IBTK: variants seen among roughly 807,000 people sequenced by gnomAD.
IBTK encodes the protein BTK-binding protein.
Under a neutral mutation model 154.9 loss-of-function variants are expected in IBTK, and 83 were observed. That is an observed-to-expected ratio of 0.54 (90% confidence interval 0.45 to 0.64). The LOEUF (loss-of-function observed/expected upper bound fraction) is 0.64. Among genes scored for constraint, IBTK ranks in the 30% least tolerant of loss-of-function variants. The pLI, the probability that IBTK is intolerant of heterozygous loss-of-function variation, is 0.00. For synonymous variants in IBTK, 515 were observed against 536.1 expected, an observed-to-expected ratio of 0.96 and a Z score of 0.54; for missense variants, 1,332 against 1,584.6, an observed-to-expected ratio of 0.84 and a Z score of 2.71.
Position 82,216,140 on chromosome 6 carries a change from C to T in IBTK, c.1537G>A (p.Val513Ile), listed in dbSNP as rs751463765. The T allele has an allele frequency of 6.2e-7, 1 of 1,613,698 alleles. No homozygotes were observed. The highest frequency in any genetic ancestry group is 8.5e-7 in the Non-Finnish European group (1 of 1,179,838). ...CCACTTGGATCTGTGCTGACACTAA[C>T]AGCTCTATGTGCAAAGGTAAGTTTC... ...LEKLTFAHRA[V>I]SVSTDPSGCN... is the part of the protein sequence containing the mutation. The change falls in exon 11 of 29, where the codon GTT becomes ATT. Residue 513 changes from valine to isoleucine, a missense_variant. Transcript: ENST00000306270.
Position 82,214,446 on chromosome 6 carries a change from C to T in IBTK, c.1985G>A (p.Gly662Glu). Residue 662 changes from glycine to glutamate, a missense_variant, in exon 12 of 29, where the codon GGA becomes GAA. This residue lies in a region of IBTK where 1,134 missense variants were observed against 1,274.7 expected (regional missense o/e 0.89). Transcript: ENST00000306270. ...TTTATTCAAATGAGAATTCAGAGTT[C>T]CCTGATATTCTTCTGGGTTTTTGTT... Reference protein sequence around the residue: ...HLNKNPEEYQGTLNSHLNKVN... With the variant: ...HLNKNPEEYQETLNSHLNKVN... 2 of 1,613,928 alleles carry T rather than the reference C, an allele frequency of 1.2e-6. No homozygotes were observed. Among genetic ancestry groups the T allele is most frequent in the Non-Finnish European group, 1.7e-6 (2 of 1,179,902 alleles).
At chr6:82,237,550 TAGCAGCAGC>T (rs35272040) in intron 2 of IBTK, among the ~76,000 whole-genome samples, 8 of 149,382 alleles carry the variant, frequency 5.4e-5, no homozygotes, top group African/African-American at 1.5e-4. Context: ...GTAGTAGTAG[TAGCAGCAGC>T]AGCAGCAGCA....
chr6:82,237,449 G>GA (rs1770758185), intron 2 of IBTK, among the ~76,000 whole-genome samples: 16 of 150,492 alleles, frequency 1.1e-4, no homozygotes, highest in Admixed American at 2.6e-4. Context: ...TCCCTGGGGG[G>GA]GAAAAAAAAA....
chr6:82,235,575 CAA>C (rs891906175), intron 2 of IBTK, among the ~76,000 whole-genome samples: 1 of 151,836 alleles, frequency 6.6e-6, no homozygotes, highest in Non-Finnish European at 1.5e-5. Context: ...GCCTGGGCAA[CAA>C]GAGTGAAACT....
At position 82,207,367 on chromosome 6, in the gene IBTK, TAAGA is replaced by T. The variant is rs752257915; in HGVS notation, c.2510-2413_2510-2410del. ...CTAAAAATTCTTAATAATTTTTAAC[TAAGA>T]AAGAGCAAGGCTTGTACACTGAAAA... is the stretch of plus-strand genomic sequence containing the variant. On this transcript the variant is annotated intron_variant, in intron 16 of 28. Coordinates refer to ENST00000306270, the MANE Select transcript of IBTK (RefSeq NM_015525.4). 7.8e-4 allele frequency among the ~76,000 whole-genome samples: 118 copies of T among 152,230 alleles called. 1 individual carries two copies. Among genetic ancestry groups the T allele is most frequent in the Middle Eastern group, 3.4e-3 (1 of 294 alleles).
intron 24 of IBTK, 71 bp downstream of exon 24, chr6:82,191,716 G>A: frequency 1.1e-6 from 1 of 909,778 alleles, no homozygotes; most frequent in Non-Finnish European, 1.8e-6. Context: ...TAAGAAAGAT[G>A]CAGTAAGTCT....
At chr6:82,207,819 C>T (rs566823700) in intron 16 of IBTK, among the ~76,000 whole-genome samples, 1 of 152,142 alleles carries the variant, frequency 6.6e-6, no homozygotes, top group East Asian at 1.9e-4. Flanking sequence ...TAAAACAATT[C>T]AATGGGAAAA....
At chr6:82,220,888 G>C (rs889255047) in intron 8 of IBTK, among the ~76,000 whole-genome samples, 175 bp from the exon 9 acceptor site, 4 of 150,024 alleles carry the variant, frequency 2.7e-5, no homozygotes, top group Non-Finnish European at 5.9e-5. Flanking sequence ...CCCCTACAAG[G>C]GGGCTGTTCC....
chr6:82,214,917 T>A (rs1769813016), intron 11 of IBTK, 88 bp from the exon 12 acceptor site: 2 of 1,370,004 alleles, frequency 1.5e-6, no homozygotes, highest in Non-Finnish European at 2.0e-6. Flanking sequence ...TAAAATGCAA[T>A]TTTTTTAACA....
intron 26 of IBTK, among the ~76,000 whole-genome samples, chr6:82,178,161 A>G (rs2127797686): frequency 6.6e-6 from 1 of 152,346 alleles, no homozygotes; most frequent in African/African-American, 2.4e-5. Flanking sequence ...AAGCTATTTA[A>G]AACATTAACT....
intron 16 of IBTK, among the ~76,000 whole-genome samples, chr6:82,209,595 C>G (rs1020209188): frequency 1.3e-5 from 2 of 152,080 alleles, no homozygotes; most frequent in African/African-American, 4.8e-5. Context: ...CTAATGGGTA[C>G]AAGGTATCTT....
At chr6:82,194,323 T>C (rs1037318670) in intron 23 of IBTK, among the ~76,000 whole-genome samples, 156 bp downstream of exon 23, 6 of 152,218 alleles carry the variant, frequency 3.9e-5, no homozygotes, top group Admixed American at 1.3e-4. Context: ...AAGCCTATTA[T>C]AGCTGGTTAG....
chr6:82,221,961 T>C (rs1770117240), intron 8 of IBTK, among the ~76,000 whole-genome samples: 1 of 152,130 alleles, frequency 6.6e-6, no homozygotes, highest in Non-Finnish European at 1.5e-5. Context: ...GGTCAGGAGT[T>C]CGAGACCAAC....
intron 1 of IBTK, among the ~76,000 whole-genome samples, chr6:82,247,040 T>C (rs1440544064): frequency 6.6e-6 from 1 of 151,234 alleles, no homozygotes; most frequent in Non-Finnish European, 1.5e-5. Context: ...ACAAAGGGCC[T>C]GTCTTCTCTG....
intron 2 of IBTK, among the ~76,000 whole-genome samples, chr6:82,239,769 T>A (rs1770871111): frequency 8.3e-6 from 1 of 120,450 alleles, no homozygotes; most frequent in African/African-American, 3.1e-5. Context: ...TCTGAGCCTC[T>A]TCTGGTTCTG....
In IBTK at chr6:82,247,733, G is replaced by T. The variant is rs1045184663; in HGVS notation, c.-529C>A. 2.5e-6 allele frequency: 1 copy of T among 397,946 alleles called. No homozygotes were observed. Among genetic ancestry groups the T allele is most frequent in the East Asian group, 3.6e-5 (1 of 28,032 alleles). 24.7% of individuals were successfully genotyped at this position (397,946 alleles called of 1,614,324 possible). A position where few individuals can be genotyped will look rare whatever the true frequency, so the allele number is the denominator to read the frequency against. On this transcript the variant is annotated 5_prime_UTR_variant, in exon 1 of 29. Transcript: ENST00000306270. Reference sequence around the variant, plus strand: ...CAATACAGCCGCTACTACAGGAATCGGGAACGGGGATGTAGAGGAAGGGCC... The same window carrying T: ...CAATACAGCCGCTACTACAGGAATCTGGAACGGGGATGTAGAGGAAGGGCC...
chr6:82,215,736 G>T (rs150438757), intron 11 of IBTK, among the ~76,000 whole-genome samples: 1 of 133,588 alleles, frequency 7.5e-6, no homozygotes, highest in Non-Finnish European at 1.5e-5. Context: ...AGAGTGAGCC[G>T]AGATTTTGCC....
chr6:82,179,277 G>GA (rs1278479076), intron 26 of IBTK, among the ~76,000 whole-genome samples: 3 of 152,128 alleles, frequency 2.0e-5, no homozygotes, highest in Non-Finnish European at 4.4e-5. Context: ...AGAAGATTCC[G>GA]AAAAAACAGG....
chr6:82,244,140 T>C (rs1036458390), intron 1 of IBTK, among the ~76,000 whole-genome samples: 35 of 152,262 alleles, frequency 2.3e-4, no homozygotes, highest in African/African-American at 8.4e-4. Flanking sequence ...ACATGGTTAC[T>C]ATAATGATAA....
Sources: gnomAD v4.1 joint callset for allele counts (sites outside exome capture counted in the v4.1 genomes callset) on GRCh38, gnomAD v4.1.1 for gene constraint, gnomAD v4.1.1 regional missense constraint, MANE v1.5 for transcripts, NCBI Gene and HGNC (gene_info 2026-07-23, HGNC 2026-07-21) for gene names.